Variants in MICU3 observed in about 807,000 individuals in gnomAD.
MICU3 encodes the protein mitochondrial calcium uptake 3, also known as calcium uptake protein 3, mitochondrial.
Under a neutral mutation model 66.5 loss-of-function variants are expected in MICU3, and 62 were observed. The observed-to-expected ratio is 0.93, with a 90% confidence interval of 0.76 to 1.15. The LOEUF (loss-of-function observed/expected upper bound fraction) is 1.15, where lower values mean the gene tolerates loss of function less well. Among genes scored for constraint, MICU3 ranks in the 50% most tolerant of loss-of-function variants. The pLI, the probability that MICU3 is intolerant of heterozygous loss-of-function variation, is 0.00. For missense variants in MICU3, 779 were observed against 664.4 expected, an observed-to-expected ratio of 1.17 and a Z score of -1.90; for synonymous variants, 308 against 240.7, an observed-to-expected ratio of 1.28 and a Z score of -2.59.
chr8:17,134,814 A>G, the MICU3 span, among the ~76,000 whole-genome samples: 1 of 152,068 alleles, frequency 6.6e-6, no homozygotes, highest in African/African-American at 2.4e-5. Flanking sequence ...AGGGATAGCA[A>G]TCTGCTTTAG....
chr8:17,046,201 G>A (rs7004656), intron 1 of MICU3, among the ~76,000 whole-genome samples: 65,032 of 152,042 alleles, frequency 0.43, 18,197 homozygotes, highest in African/African-American at 0.79. Flanking sequence ...GAAGAGGGCA[G>A]TCTTGGGAAC....
chr8:17,108,582 A>G (rs1801934864), intron 11 of MICU3, among the ~76,000 whole-genome samples: 1 of 152,070 alleles, frequency 6.6e-6, no homozygotes, highest in Non-Finnish European at 1.5e-5. Context: ...CAATCAGTCT[A>G]TCAAGAAATC....
At chr8:17,043,333 TATTTTAAAATAATATC>T (rs1284160229) in intron 1 of MICU3, among the ~76,000 whole-genome samples, 1 of 152,178 alleles carries the variant, frequency 6.6e-6, no homozygotes, top group Non-Finnish European at 1.5e-5. Context: ...TAAAGTTAGT[TATTTTAAAATAATATC>T]ATCTAAACCT....
chr8:17,031,343 A>G (rs913532972), intron 1 of MICU3, among the ~76,000 whole-genome samples: 16 of 150,850 alleles, frequency 1.1e-4, no homozygotes, highest in African/African-American at 2.9e-4. Context: ...GCTGGACTGC[A>G]GGGGTGTGAT....
intron 11 of MICU3, among the ~76,000 whole-genome samples, chr8:17,107,676 G>A (rs1801855599): frequency 6.6e-6 from 1 of 152,076 alleles, no homozygotes. Flanking sequence ...CACTATAATG[G>A]TAAAGTTGAG....
At chr8:17,134,148 A>G in the MICU3 span, 63 of 152,216 alleles carry the variant, frequency 4.1e-4, no homozygotes, top group African/African-American at 1.5e-3. Flanking sequence ...CTCCAGAGAA[A>G]CAGAACCAAT....
chr8:17,108,768 G>T (rs926514982), intron 11 of MICU3, among the ~76,000 whole-genome samples: 2 of 152,082 alleles, frequency 1.3e-5, no homozygotes, highest in Non-Finnish European at 2.9e-5. Flanking sequence ...AAATGTTTTT[G>T]ACTGTGATTT....
At chr8:17,134,431 T>TTTTGTTTGTTTGTTTG in the MICU3 span, among the ~76,000 whole-genome samples, 1 of 148,618 alleles carries the variant, frequency 6.7e-6, no homozygotes, top group African/African-American at 2.5e-5. Context: ...AAAGTCAGCC[T>TTTTGTTTGTTTGTTTG]TTTGTTTGTT....
intron 12 of MICU3, among the ~76,000 whole-genome samples, chr8:17,114,718 C>G (rs1333303225): frequency 6.6e-6 from 1 of 152,170 alleles, no homozygotes; most frequent in Non-Finnish European, 1.5e-5. Context: ...CACCTTCCCT[C>G]TCCTCATGGC....
At chr8:17,124,902 TC>T (rs1384145534), downstream of MICU3, among the ~76,000 whole-genome samples, 1 of 152,132 alleles carries the variant, frequency 6.6e-6, no homozygotes, top group Admixed American at 6.6e-5. Flanking sequence ...CTTAGTAGAA[TC>T]TTCCCTTTGC....
the MICU3 span, among the ~76,000 whole-genome samples, chr8:17,130,891 G>A: frequency 6.6e-6 from 1 of 152,158 alleles, no homozygotes; most frequent in African/African-American, 2.4e-5. Flanking sequence ...AAACTCAGAT[G>A]TTAATCAGTT....
At chr8:17,081,822 A>T (rs947799011) in intron 5 of MICU3, 82 bp downstream of exon 5, 4 of 667,304 alleles carry the variant, frequency 6.0e-6, no homozygotes, top group Non-Finnish European at 1.1e-5. Context: ...AGGTTCTCTT[A>T]CTCTTGAAAA....
chr8:17,028,188 T>C (rs1303632956), intron 1 of MICU3, among the ~76,000 whole-genome samples: 1 of 152,206 alleles, frequency 6.6e-6, no homozygotes, highest in Non-Finnish European at 1.5e-5. Context: ...GGAATGTTGA[T>C]GTTACCAGGT....
chr8:17,087,036 G>C lies in MICU3; in HGVS notation c.849+1G>C. 1 of 1,594,292 alleles carries C rather than the reference G, an allele frequency of 6.3e-7. No individual in the cohort carries two copies. The highest frequency in any genetic ancestry group is 8.6e-7 in the Non-Finnish European group (1 of 1,163,592). Reference sequence around the variant, plus strand: ...AGATGAAGAAAAGCGTGCAATGCTGGTAAGAATACTTTATAGTAGCTTTAG... The same window carrying C: ...AGATGAAGAAAAGCGTGCAATGCTGCTAAGAATACTTTATAGTAGCTTTAG... On this transcript the variant is annotated splice_donor_variant, in intron 7 of 14. Coordinates refer to ENST00000318063, the MANE Select transcript of MICU3 (RefSeq NM_181723.3). LOFTEE classifies it high-confidence loss of function.
chr8:17,120,291 C>G lies in MICU3; in HGVS notation c.*4C>G, dbSNP rs566559444. The G allele has an allele frequency of 6.6e-6, 1 of 151,798 alleles. No homozygotes were observed. The highest frequency in any genetic ancestry group is 2.1e-4 in the South Asian group (1 of 4,810). The allele number at this position is 151,798 out of a possible 1,614,324, so 9.4% of individuals were successfully genotyped here. A position where few individuals can be genotyped will look rare whatever the true frequency, so the allele number is the denominator to read the frequency against. ...TGTTATTATTTTTTTTAATTAGATA[C>G]TCCTAAAACAAAGTTTAAAGGATTA... On this transcript the variant is annotated 3_prime_UTR_variant, in exon 15 of 15. Transcript: ENST00000318063.
At chr8:17,103,748 C>T (rs548319368) in intron 9 of MICU3, among the ~76,000 whole-genome samples, 8 of 151,916 alleles carry the variant, frequency 5.3e-5, no homozygotes, top group African/African-American at 1.9e-4. Context: ...CAAAAATCCT[C>T]TGGAATTAAT....
At chr8:17,090,005 G>A (rs1203642680) in intron 7 of MICU3, among the ~76,000 whole-genome samples, 1 of 152,054 alleles carries the variant, frequency 6.6e-6, no homozygotes, top group Non-Finnish European at 1.5e-5. Flanking sequence ...TAAGCTCCAT[G>A]CTATACTCAT....
At chr8:17,093,624 A>G (rs1800322632) in intron 8 of MICU3, among the ~76,000 whole-genome samples, 1 of 151,816 alleles carries the variant, frequency 6.6e-6, no homozygotes, top group Non-Finnish European at 1.5e-5. Flanking sequence ...TGTTTTCTTA[A>G]TTTTTGTTTT....
chr8:17,097,803 A>T (rs748163708), intron 8 of MICU3, among the ~76,000 whole-genome samples: 2 of 151,702 alleles, frequency 1.3e-5, no homozygotes, highest in Non-Finnish European at 3.0e-5. Flanking sequence ...TTTTTAATCT[A>T]CACTTCCTGA....
Sources: gnomAD v4.1 joint callset for allele counts (sites outside exome capture counted in the v4.1 genomes callset) on GRCh38, gnomAD v4.1.1 for gene constraint, MANE v1.5 for transcripts, NCBI Gene and HGNC (gene_info 2026-07-23, HGNC 2026-07-21) for gene names.